Variants in SPECC1 observed in about 807,000 individuals in gnomAD.
SPECC1 encodes the protein cytospin-B.
In SPECC1, 62 loss-of-function variants were observed where a neutral mutation model predicts 104.1. That is an observed-to-expected ratio of 0.60 (90% confidence interval 0.49 to 0.74). The LOEUF (loss-of-function observed/expected upper bound fraction) is 0.74, where lower values mean the gene tolerates loss of function less well. Ranked by LOEUF, SPECC1 falls within the 30% of genes least tolerant of loss-of-function variation. The pLI is 0.00. For missense variants in SPECC1, 1,306 were observed against 1,310.5 expected, an observed-to-expected ratio of 1.00 and a Z score of 0.05; for synonymous variants, 513 against 501.6, an observed-to-expected ratio of 1.02 and a Z score of -0.30.
At chr17:20,229,343 TG>T (rs2038429381) in intron 5 of SPECC1, among the ~76,000 whole-genome samples, 1 of 152,162 alleles carries the variant, frequency 6.6e-6, no homozygotes, top group African/African-American at 2.4e-5. Context: ...TGTCCCGTTG[TG>T]CGTGAGTTCG....
chr17:20,281,918 C>A (rs1310416258), intron 12 of SPECC1, among the ~76,000 whole-genome samples: 1 of 152,210 alleles, frequency 6.6e-6, no homozygotes, highest in Non-Finnish European at 1.5e-5. Flanking sequence ...ACAGAGAAGA[C>A]CTGTTCTCAG....
intron 12 of SPECC1, among the ~76,000 whole-genome samples, chr17:20,278,327 A>C (rs1567602162): frequency 6.6e-6 from 1 of 152,220 alleles, no homozygotes; most frequent in African/African-American, 2.4e-5. Flanking sequence ...CAAGAGGGTA[A>C]CAGAGGCAGA....
chr17:20,180,310 T>C (rs1223664049), intron 3 of SPECC1, among the ~76,000 whole-genome samples: 1 of 152,192 alleles, frequency 6.6e-6, no homozygotes, highest in African/African-American at 2.4e-5. Context: ...ACTCATCAGC[T>C]AAACTCACCT....
intron 9 of SPECC1, among the ~76,000 whole-genome samples, chr17:20,250,620 C>T (rs1245166677): frequency 6.6e-6 from 1 of 152,152 alleles, no homozygotes; most frequent in African/African-American, 2.4e-5. Context: ...AAAGAAATGC[C>T]AGGGCCTTAT....
In SPECC1 at chr17:20,156,225, A is replaced by G. The variant is rs762007554; in HGVS notation, c.283+45663A>G. Reference sequence around the variant, plus strand: ...GGCAACCACTCAGGACGGCCCGAGGATCCGGAACCAGGTCTGTGCGGCTGG... The same window carrying G: ...GGCAACCACTCAGGACGGCCCGAGGGTCCGGAACCAGGTCTGTGCGGCTGG... On this transcript the variant is annotated intron_variant, in intron 3 of 14. Transcript: ENST00000395527. The G allele has an allele frequency of 2.1e-6, 3 of 1,407,646 alleles. No homozygotes were observed. In the Admixed American group the frequency reaches 1.0e-4, roughly 47 times the overall value. The allele number at this position is 1,407,646 out of a possible 1,614,324, so 87.2% of individuals were successfully genotyped here.
chr17:20,253,578 C>T lies in SPECC1; in HGVS notation c.2672C>T (p.Pro891Leu), dbSNP rs2039711988. The stretch of plus-strand genomic sequence containing the variant: ...CAACGCTTGGACCTTCCTGACCTTC[C>T]CCTCTCAGGTAAATTATGTCAACAT... ...VTQRLDLPDLPLSDILKGRTE... is the reference protein window; with the variant it reads ...VTQRLDLPDLLLSDILKGRTE... Residue 891 changes from proline (P) to leucine (L), a missense_variant, in exon 10 of 15, where the codon CCC becomes CTC. Pro to Leu is a moderately conservative substitution (Grantham distance 98). This residue lies in a region of SPECC1 where 1,177 missense variants were observed against 1,139.9 expected (regional missense o/e 1.03). Transcript: ENST00000395527. 1.9e-6 allele frequency: 3 copies of T among 1,613,936 alleles called. No individual in the cohort carries two copies. The highest frequency in any genetic ancestry group is 2.5e-6 in the Non-Finnish European group (3 of 1,179,980).
In SPECC1 at chr17:20,205,164, C is replaced by G. The variant is rs983868483; in HGVS notation, c.1115C>G (p.Ser372Cys). The change falls in exon 4 of 15, where the codon TCC becomes TGC. Residue 372 changes from serine (S) to cysteine (C), a missense_variant. Physicochemically the swap from Ser to Cys is moderately radical, Grantham distance 112 (BLOSUM62 -1). Coordinates refer to ENST00000395527, the MANE Select transcript of SPECC1 (RefSeq NM_001243439.2). ...AGCGTAAGTGAATTGTCCCTGGCTT[C>G]CCTCACAGAGAAGATACAAAAGATG... is the stretch of plus-strand genomic sequence containing the variant. ...PNSVSELSLASLTEKIQKMEE... is the reference protein window; with the variant it reads ...PNSVSELSLACLTEKIQKMEE... 14 of 1,614,012 alleles carry G rather than the reference C, an allele frequency of 8.7e-6. No homozygotes were observed. In the East Asian group the frequency reaches 2.9e-4, roughly 33 times the overall value.
At chr17:20,170,292 A>T (rs1310524168) in intron 3 of SPECC1, among the ~76,000 whole-genome samples, 2 of 152,226 alleles carry the variant, frequency 1.3e-5, no homozygotes, top group Non-Finnish European at 2.9e-5. Flanking sequence ...AGCAAAATGT[A>T]TGGTTTTAAT....
At chr17:20,158,416 G>T (rs939091458) in intron 3 of SPECC1, among the ~76,000 whole-genome samples, 1 of 152,214 alleles carries the variant, frequency 6.6e-6, no homozygotes, top group African/African-American at 2.4e-5. Context: ...ACCAGCCTGG[G>T]CAAGGAAAGC....
In SPECC1 at chr17:20,204,590, GAT is replaced by G; in HGVS notation, c.543_544del (p.Asp181GlufsTer2). 6.2e-7 allele frequency: 1 copy of G among 1,614,230 alleles called. No homozygotes were observed. The highest frequency in any genetic ancestry group is 8.5e-7 in the Non-Finnish European group (1 of 1,180,038). On this transcript the variant is annotated frameshift_variant, in exon 4 of 15. Transcript: ENST00000395527. LOFTEE classifies it high-confidence loss of function. Reference protein sequence around the residue: ...RELLAEAKAKDSEINRLRSEL... With the variant: ...RELLAEAKAKXSEINRLRSEL... ...ACTTTTGGCAGAAGCCAAAGCAAAA[GAT>G]AGTGAAATTAACAGGCTTCGAAGTG...
chr17:20,214,809 G>A (rs1017240832), intron 4 of SPECC1, among the ~76,000 whole-genome samples: 2 of 152,180 alleles, frequency 1.3e-5, no homozygotes, highest in African/African-American at 4.8e-5. Flanking sequence ...CACCCGGCCT[G>A]GAAAGACATT....
intron 3 of SPECC1, among the ~76,000 whole-genome samples, chr17:20,173,624 C>T (rs781070369): frequency 3.3e-5 from 5 of 152,064 alleles, no homozygotes; most frequent in African/African-American, 7.2e-5. Flanking sequence ...TGTAGACTGC[C>T]GTTTTAAACT....
chr17:20,241,708 T>G (rs1052885973), intron 7 of SPECC1, among the ~76,000 whole-genome samples: 8 of 151,404 alleles, frequency 5.3e-5, no homozygotes, highest in African/African-American at 2.0e-4. Context: ...TTTATTGTTA[T>G]ATATGCTTTT....
chr17:20,217,588 A>G (rs2037581767), intron 4 of SPECC1, among the ~76,000 whole-genome samples: 1 of 152,152 alleles, frequency 6.6e-6, no homozygotes, highest in African/African-American at 2.4e-5. Flanking sequence ...ACTCCAGGTG[A>G]CAGGCCCTTA....
In SPECC1 at chr17:20,318,331, G is replaced by C; in HGVS notation, c.*4266G>C. The C allele has an allele frequency of 4.3e-6, 1 of 232,152 alleles. No homozygotes were observed. Among genetic ancestry groups the C allele is most frequent in the Non-Finnish European group, 8.5e-6 (1 of 117,296 alleles). 14.4% of individuals were successfully genotyped at this position (232,152 alleles called of 1,614,324 possible). A position where few individuals can be genotyped will look rare whatever the true frequency, so the allele number is the denominator to read the frequency against. On this transcript the variant is annotated 3_prime_UTR_variant, in exon 15 of 15. Coordinates refer to ENST00000395527, the MANE Select transcript of SPECC1 (RefSeq NM_001243439.2). ...GATAACATTCTCAGGAGCTTCTCTTGTCCTAGCCCCTTCTCATTTCAAAAA... is the reference window on the plus strand; with the variant it reads ...GATAACATTCTCAGGAGCTTCTCTTCTCCTAGCCCCTTCTCATTTCAAAAA...
At position 20,107,301 on chromosome 17, in the gene SPECC1, A is replaced by G. The variant is rs977975253; in HGVS notation, c.148-3126A>G. On this transcript the variant is annotated intron_variant, in intron 2 of 14. Coordinates refer to ENST00000395527, the MANE Select transcript of SPECC1 (RefSeq NM_001243439.2). ...GTTTTGAAATCTTGACCAAGATTGC[A>G]TGGCTAATATGAAGACATCCACCAT... Among the ~76,000 whole-genome samples the G allele has an allele frequency of 2.0e-5, 3 of 151,854 alleles. 1 individual carries two copies. Among genetic ancestry groups the G allele is most frequent in the Admixed American group, 2.0e-4 (3 of 15,232 alleles).
At chr17:20,060,924 G>A (rs2046162500) in intron 1 of SPECC1, among the ~76,000 whole-genome samples, 3 of 152,204 alleles carry the variant, frequency 2.0e-5, no homozygotes, top group Admixed American at 2.0e-4. Context: ...GCAGTAACTT[G>A]TAGGACTAAG....
At chr17:20,294,043 G>T (rs2041259719) in intron 12 of SPECC1, among the ~76,000 whole-genome samples, 1 of 152,132 alleles carries the variant, frequency 6.6e-6, no homozygotes, top group African/African-American at 2.4e-5. Context: ...GTGCAGTGGT[G>T]CAATCTCAGC....
chr17:20,079,304 A>G (rs2152489295), intron 1 of SPECC1, among the ~76,000 whole-genome samples: 1 of 151,794 alleles, frequency 6.6e-6, no homozygotes, highest in East Asian at 1.9e-4. Flanking sequence ...TTTATTATTT[A>G]TGTATGTATT....
Sources: allele counts gnomAD v4.1 joint callset (sites outside exome capture counted in the v4.1 genomes callset), GRCh38; gene constraint gnomAD v4.1.1; regional missense constraint gnomAD v4.1.1; transcripts MANE v1.5; gene names NCBI Gene and HGNC (gene_info 2026-07-23, HGNC 2026-07-21).